ZC3H14: variants seen among roughly 807,000 people sequenced by gnomAD.
ZC3H14 encodes the protein zinc finger CCCH-type containing 14.
Under a neutral mutation model 92.4 loss-of-function variants are expected in ZC3H14, and 31 were observed. The ratio of observed to expected loss-of-function variants is 0.34; its 90% confidence interval spans 0.25 to 0.45. ZC3H14 has a LOEUF of 0.45. Ranked by LOEUF, ZC3H14 falls within the 20% of genes least tolerant of loss-of-function variation. The probability of loss-of-function intolerance (pLI) is 1.00; values close to 1 mark genes in which losing one functional copy is unlikely to be tolerated. For missense variants in ZC3H14, 781 were observed against 897.3 expected (o/e 0.87, Z 1.66); for synonymous variants, 321 against 300.9 (o/e 1.07, Z -0.69).
At chr14:88,577,438 T>C (rs1350984937) in intron 8 of ZC3H14, among the ~76,000 whole-genome samples, 5 of 152,224 alleles carry the variant, frequency 3.3e-5, no homozygotes, top group Non-Finnish European at 5.9e-5. Flanking sequence ...ATTGTATTCA[T>C]GGTATGTGGT....
At position 88,624,769 on chromosome 14, in the gene ZC3H14, A is replaced by G. The variant is rs1264812778; in HGVS notation, c.*13018A>G. The stretch of plus-strand genomic sequence containing the variant: ...ACACCTCAGAAAAAGTATCACCCCA[A>G]CATGAAAAAAATTGGAAGTGAATTA... On this transcript the variant is annotated 3_prime_UTR_variant, in exon 17 of 17. Transcript: ENST00000251038. 1.7e-6 allele frequency: 1 copy of G among 597,206 alleles called. No individual in the cohort carries two copies. The highest frequency in any genetic ancestry group is 3.1e-5 in the East Asian group (1 of 32,184). 37.0% of individuals were successfully genotyped at this position (597,206 alleles called of 1,614,324 possible). A position where few individuals can be genotyped will look rare whatever the true frequency, so the allele number is the denominator to read the frequency against.
Position 88,578,128 on chromosome 14 carries a change from GA to G in ZC3H14, c.1274del (p.Asn425IlefsTer18). On this transcript the variant is annotated frameshift_variant, in exon 9 of 17. Coordinates refer to ENST00000251038, the MANE Select transcript of ZC3H14 (RefSeq NM_024824.5). LOFTEE classifies it high-confidence loss of function. ...AGAGGAAACAAAAGGAGATTCTGTA[GA>G]AAAAAATCAAGGTAATAACTTAAAT... ...KEEETKGDSV[E>X]KNQGTQQRQL... The G allele has an allele frequency of 1.2e-6, 2 of 1,613,748 alleles. No homozygotes were observed. The highest frequency in any genetic ancestry group is 1.1e-5 in the South Asian group (1 of 91,064).
At chr14:88,582,675 G>A (rs985905376) in intron 9 of ZC3H14, among the ~76,000 whole-genome samples, 4 of 152,100 alleles carry the variant, frequency 2.6e-5, no homozygotes, top group African/African-American at 9.7e-5. Flanking sequence ...TAAGCTATAT[G>A]TTTGTGTGGT....
Position 88,618,052 on chromosome 14 carries a change from G to C in ZC3H14, c.*6301G>C. 2.4e-6 allele frequency: 1 copy of C among 413,140 alleles called. No individual in the cohort carries two copies. Among genetic ancestry groups the C allele is most frequent in the Non-Finnish European group, 4.2e-6 (1 of 236,074 alleles). 25.6% of individuals were successfully genotyped at this position (413,140 alleles called of 1,614,324 possible). ...TAAATCATGGAAACTGATAAAACAT[G>C]GAAATATATTCAATAAAAAGGGGTC... On this transcript the variant is annotated 3_prime_UTR_variant, in exon 17 of 17. Transcript: ENST00000251038.
intron 1 of ZC3H14, 73 bp downstream of exon 1, chr14:88,563,242 T>G (rs1445761110): frequency 1.3e-6 from 2 of 1,559,502 alleles, no homozygotes; most frequent in Non-Finnish European, 8.7e-7. Context: ...TAACGGGGAC[T>G]GTGGGCCCGG....
intron 10 of ZC3H14, 66 bp downstream of exon 10, chr14:88,596,874 C>A: frequency 7.6e-7 from 1 of 1,313,418 alleles, no homozygotes; most frequent in Non-Finnish European, 1.1e-6. Context: ...TTCTTACACC[C>A]CATTTAACGT....
chr14:88,568,092 G>A lies in ZC3H14; in HGVS notation c.133G>A (p.Asp45Asn). The stretch of plus-strand genomic sequence containing the variant: ...GATGGTGGCCAACAAGAAAAGTCAG[G>A]ACCAAATGACAGAGGATCTGTCCCT... ...MVMVANKKSQ[D>N]QMTEDLSLFL... Residue 45 changes from aspartate (D) to asparagine (N), a missense_variant, in exon 3 of 17, where the codon GAC becomes AAC. Asp to Asn is a conservative substitution (Grantham distance 23). Around this residue, in one of 3 missense-constraint regions of ZC3H14, gnomAD observed 106 missense variants for 154.2 expected, o/e 0.69. Coordinates refer to ENST00000251038, the MANE Select transcript of ZC3H14 (RefSeq NM_024824.5). 1 of 1,614,126 alleles carries A rather than the reference G, an allele frequency of 6.2e-7. No individual in the cohort carries two copies. The highest frequency in any genetic ancestry group is 8.5e-7 in the Non-Finnish European group (1 of 1,179,994).
intron 8 of ZC3H14, among the ~76,000 whole-genome samples, chr14:88,576,758 T>A (rs1387955630): frequency 6.6e-6 from 1 of 152,144 alleles, no homozygotes; most frequent in Non-Finnish European, 1.5e-5. Flanking sequence ...CCCCCCTTCC[T>A]AAAATGAGGT....
rs1367414044 is a variant in ZC3H14 at position 88,595,147 on chromosome 14, A to G, written c.1280-1587A>G. On this transcript the variant is annotated intron_variant, in intron 9 of 16. Transcript: ENST00000251038. Reference sequence around the variant, plus strand: ...AATATATGATATGTTCTAGGTACCCATCCTTTGATCTGTATCTTTCCACGT... The same window carrying G: ...AATATATGATATGTTCTAGGTACCCGTCCTTTGATCTGTATCTTTCCACGT... 6.9e-6 allele frequency: 11 copies of G among 1,600,026 alleles called. No individual in the cohort carries two copies. In the East Asian group the frequency reaches 1.3e-4, roughly 19 times the overall value.
In ZC3H14 at chr14:88,622,751, A is replaced by G. The variant is rs761126771; in HGVS notation, c.*11000A>G. ...AATAACCAAGCCAGAGTAAGTGTTC[A>G]TTATTGGCTACTATAATTTTTATTA... On this transcript the variant is annotated 3_prime_UTR_variant, in exon 17 of 17. Coordinates refer to ENST00000251038, the MANE Select transcript of ZC3H14 (RefSeq NM_024824.5). 1.1e-5 allele frequency: 16 copies of G among 1,457,490 alleles called. No homozygotes were observed. The highest frequency in any genetic ancestry group is 1.5e-5 in the Non-Finnish European group (16 of 1,075,424). 90.3% of individuals were successfully genotyped at this position (1,457,490 alleles called of 1,614,324 possible). A position where few individuals can be genotyped will look rare whatever the true frequency, so the allele number is the denominator to read the frequency against.
chr14:88,609,253 TTTTTG>T lies in ZC3H14; in HGVS notation c.1869-7_1869-3del, dbSNP rs753937310. The T allele has an allele frequency of 7.5e-6, 12 of 1,610,288 alleles. No individual in the cohort carries two copies. Among genetic ancestry groups the T allele is most frequent in the South Asian group, 1.1e-5 (1 of 91,022 alleles). ...AAGATTGAATATGAAATATGCTTTT[TTTTTG>T]TTTTGTAGAGCCTTCCCCAATTGTA... On this transcript the variant is annotated splice_polypyrimidine_tract_variant and intron_variant, in intron 13 of 16. Coordinates refer to ENST00000251038, the MANE Select transcript of ZC3H14 (RefSeq NM_024824.5).
chr14:88,609,239 T>A, intron 13 of ZC3H14, 28 bp from the exon 14 acceptor site: 1 of 1,613,600 alleles, frequency 6.2e-7, no homozygotes, highest in East Asian at 2.2e-5. Flanking sequence ...AGATTGAATA[T>A]GAAATATGCT....
In ZC3H14 at chr14:88,572,294, T is replaced by A. The variant is rs1400659576; in HGVS notation, c.431+69T>A. The A allele has an allele frequency of 3.2e-6, 5 of 1,546,340 alleles. No homozygotes were observed. In the Admixed American group the frequency reaches 9.0e-5, roughly 28 times the overall value. The stretch of plus-strand genomic sequence containing the variant: ...TATGTGACATTTATATTAGTTTTTA[T>A]ATCTTTCAGTTTGCTGTTCTCAGCA... On this transcript the variant is annotated intron_variant, in intron 5 of 16. Coordinates refer to ENST00000251038, the MANE Select transcript of ZC3H14 (RefSeq NM_024824.5).
Position 88,618,366 on chromosome 14 carries a change from A to G in ZC3H14, c.*6615A>G. ...CAGATTAAAATGGGACAAGAATTCC[A>G]TTAGGTGAGAGACAAAATCCACAGG... On this transcript the variant is annotated 3_prime_UTR_variant, in exon 17 of 17. Coordinates refer to ENST00000251038, the MANE Select transcript of ZC3H14 (RefSeq NM_024824.5). 6.3e-7 allele frequency: 1 copy of G among 1,580,886 alleles called. No individual in the cohort carries two copies. The highest frequency in any genetic ancestry group is 8.7e-7 in the Non-Finnish European group (1 of 1,152,434).
At chr14:88,568,459 A>G (rs2079976299) in intron 3 of ZC3H14, among the ~76,000 whole-genome samples, 1 of 152,264 alleles carries the variant, frequency 6.6e-6, no homozygotes, top group African/African-American at 2.4e-5. Flanking sequence ...TGAAGGAGGA[A>G]CTTCCAGAGA....
At chr14:88,563,275 C>G in intron 1 of ZC3H14, 106 bp downstream of exon 1, 1 of 1,538,608 alleles carries the variant, frequency 6.5e-7, no homozygotes, top group South Asian at 1.2e-5. Flanking sequence ...GCCTGGCCTC[C>G]GCTGGACGCT....
At position 88,577,984 on chromosome 14, in the gene ZC3H14, G is replaced by A; in HGVS notation, c.1124-1G>A. ...CTATCTTTTTTGCTTTTATGTGAAA[G>A]TTCCACAGAAACAGACACTTCCAGT... On this transcript the variant is annotated splice_acceptor_variant, in intron 8 of 16. Coordinates refer to ENST00000251038, the MANE Select transcript of ZC3H14 (RefSeq NM_024824.5). LOFTEE classifies it high-confidence loss of function. 1 of 1,614,082 alleles carries A rather than the reference G, an allele frequency of 6.2e-7. No individual in the cohort carries two copies. Among genetic ancestry groups the A allele is most frequent in the Non-Finnish European group, 8.5e-7 (1 of 1,180,002 alleles).
chr14:88,574,947 TG>T (rs1320587980), intron 7 of ZC3H14, 94 bp downstream of exon 7: 1 of 1,576,504 alleles, frequency 6.3e-7, no homozygotes, highest in Non-Finnish European at 8.6e-7. Flanking sequence ...AATTTTTGTT[TG>T]TTTTTTGAGA....
In ZC3H14 at chr14:88,620,772, C is replaced by T. The variant is rs1395422739; in HGVS notation, c.*9021C>T. 2.5e-6 allele frequency: 4 copies of T among 1,597,912 alleles called. No homozygotes were observed. The highest frequency in any genetic ancestry group is 2.7e-5 in the African/African-American group (2 of 73,868). On this transcript the variant is annotated 3_prime_UTR_variant, in exon 17 of 17. Coordinates refer to ENST00000251038, the MANE Select transcript of ZC3H14 (RefSeq NM_024824.5). The surrounding 1 kb of genome is among the most constrained non-coding windows in gnomAD (Gnocchi z 4.3). ...CACTAACCTGATATCATGGATTGCA[C>T]ATCTCCTGTCTCTCTTCTTTCCCCA...
Sources: allele counts gnomAD v4.1 joint callset (sites outside exome capture counted in the v4.1 genomes callset), GRCh38; gene constraint gnomAD v4.1.1; regional missense constraint gnomAD v4.1.1; non-coding constraint Gnocchi (gnomAD v3.1); transcripts MANE v1.5; gene names NCBI Gene and HGNC (gene_info 2026-07-23, HGNC 2026-07-21).